MTDH: variants seen among roughly 807,000 people sequenced by gnomAD.
The protein encoded by MTDH is protein LYRIC.
Under a neutral mutation model 72.7 loss-of-function variants are expected in MTDH, and 34 were observed. The ratio of observed to expected loss-of-function variants is 0.47; its 90% confidence interval spans 0.36 to 0.62. The LOEUF (loss-of-function observed/expected upper bound fraction) is 0.62, where lower values mean the gene tolerates loss of function less well. Among genes scored for constraint, MTDH ranks in the 20% least tolerant of loss-of-function variants. The pLI, the probability that MTDH is intolerant of heterozygous loss-of-function variation, is 0.00. For missense variants in MTDH, 677 were observed against 699.4 expected, an observed-to-expected ratio of 0.97 and a Z score of 0.36; for synonymous variants, 266 against 268.9, an observed-to-expected ratio of 0.99 and a Z score of 0.10.
chr8:97,705,325 G>C (rs1411524342), intron 7 of MTDH, among the ~76,000 whole-genome samples: 2 of 151,672 alleles, frequency 1.3e-5, no homozygotes, highest in Admixed American at 1.3e-4. Flanking sequence ...AGCATTGCTG[G>C]GCGTGGTGCC....
At chr8:97,701,239 A>G (rs1814111533) in intron 7 of MTDH, among the ~76,000 whole-genome samples, 1 of 152,130 alleles carries the variant, frequency 6.6e-6, no homozygotes, top group South Asian at 2.1e-4. Context: ...GGTTGATTCC[A>G]GGACCCCCCT....
intron 2 of MTDH, among the ~76,000 whole-genome samples, chr8:97,662,769 GA>G (rs1315641511): frequency 1.4e-4 from 21 of 150,698 alleles, no homozygotes; most frequent in Non-Finnish European, 2.4e-4. Context: ...CAGGGCGAAA[GA>G]GCGAGACTCT....
At chr8:97,684,176 T>G (rs1466861020) in intron 2 of MTDH, among the ~76,000 whole-genome samples, 2 of 151,942 alleles carry the variant, frequency 1.3e-5, no homozygotes, top group Non-Finnish European at 2.9e-5. Flanking sequence ...AAATTGAGAT[T>G]GCTGTTAAGT....
chr8:97,686,774 CTG>C, intron 3 of MTDH, 22 bp downstream of exon 3: 1 of 1,535,596 alleles, frequency 6.5e-7, no homozygotes, highest in Non-Finnish European at 8.8e-7. Flanking sequence ...AGGGAAAGGA[CTG>C]TAGAAAATTT....
At chr8:97,691,615 G>A (rs117764681) in intron 6 of MTDH, among the ~76,000 whole-genome samples, 3,466 of 152,100 alleles carry the variant, frequency 0.023, 57 homozygotes, top group Middle Eastern at 0.044. Flanking sequence ...TTTTCCTCCG[G>A]ATTTTAATAT....
At chr8:97,654,718 C>T (rs993631962) in intron 1 of MTDH, among the ~76,000 whole-genome samples, 2 of 151,962 alleles carry the variant, frequency 1.3e-5, no homozygotes, top group African/African-American at 4.8e-5. Context: ...TGCTCTCTTG[C>T]CTTTTATCTT....
At chr8:97,683,451 A>G (rs563454113) in intron 2 of MTDH, among the ~76,000 whole-genome samples, 4 of 152,040 alleles carry the variant, frequency 2.6e-5, no homozygotes, top group East Asian at 3.9e-4. Flanking sequence ...GCTGGAATAC[A>G]GTGACATGAT....
At position 97,652,316 on chromosome 8, in the gene MTDH, C is replaced by T. The variant is rs914839849; in HGVS notation, c.381+7429C>T. On this transcript the variant is annotated intron_variant, in intron 1 of 11. Coordinates refer to ENST00000336273, the MANE Select transcript of MTDH (RefSeq NM_178812.4). ...TTCTTGAAACTCTTTCACAACCCAG[C>T]GCCTTTACATGAGCTATTATTAACA... 3.9e-5 allele frequency among the ~76,000 whole-genome samples: 6 copies of T among 152,164 alleles called. No homozygotes were observed. In the South Asian group the frequency reaches 6.2e-4, roughly 16 times the overall value.
Position 97,687,550 on chromosome 8 carries a change from T to TAG in MTDH, c.691_692insGA (p.Thr231ArgfsTer24). On this transcript the variant is annotated frameshift_variant, in exon 4 of 12. Transcript: ENST00000336273. LOFTEE classifies it high-confidence loss of function. ...CTGGGATAGAAAATACCATCACAGT[T>TAG]ACCACCGAGCAACTTACAACCGCAT... The TAG allele has an allele frequency of 6.2e-7, 1 of 1,613,088 alleles. No individual in the cohort carries two copies. The highest frequency in any genetic ancestry group is 8.5e-7 in the Non-Finnish European group (1 of 1,179,516).
intron 1 of MTDH, among the ~76,000 whole-genome samples, chr8:97,647,764 A>G (rs562616288): frequency 9.9e-5 from 15 of 152,254 alleles, no homozygotes; most frequent in African/African-American, 2.4e-4. Context: ...GCTACTTGCA[A>G]TGAGTCACTT....
At chr8:97,706,141 A>T (rs1814342293) in intron 7 of MTDH, among the ~76,000 whole-genome samples, 1 of 152,190 alleles carries the variant, frequency 6.6e-6, no homozygotes, top group Admixed American at 6.5e-5. Context: ...GACTTGGTGA[A>T]TTTGAAGAAA....
At chr8:97,715,941 G>A (rs188995714) in intron 9 of MTDH, among the ~76,000 whole-genome samples, 1 of 151,756 alleles carries the variant, frequency 6.6e-6, no homozygotes, top group East Asian at 1.9e-4. Flanking sequence ...TAATGAATAA[G>A]TATTCTAGGT....
At position 97,694,343 on chromosome 8, in the gene MTDH, G is replaced by A. The variant is rs181538712; in HGVS notation, c.1048+3155G>A. On this transcript the variant is annotated intron_variant, in intron 6 of 11. Coordinates refer to ENST00000336273, the MANE Select transcript of MTDH (RefSeq NM_178812.4). ...CTCCTGAGTAGCCTGGATTACAGGC[G>A]TGCGCCACCACGCCTGGCTAATTTT... 1.8e-3 allele frequency among the ~76,000 whole-genome samples: 266 copies of A among 151,688 alleles called. 1 individual carries two copies. The highest frequency in any genetic ancestry group is 2.7e-3 in the Non-Finnish European group (186 of 67,874).
chr8:97,645,784 G>C (rs1053403672), intron 1 of MTDH, among the ~76,000 whole-genome samples: 1 of 152,162 alleles, frequency 6.6e-6, no homozygotes, highest in Non-Finnish European at 1.5e-5. Flanking sequence ...ATCTTTCATA[G>C]TTTTATGTAT....
chr8:97,661,330 A>AAC (rs1812165526), intron 2 of MTDH, among the ~76,000 whole-genome samples, 157 bp downstream of exon 2: 1 of 152,244 alleles, frequency 6.6e-6, no homozygotes, highest in Admixed American at 6.5e-5. Context: ...GTAAAAGTTT[A>AAC]ACTGAGTTGT....
chr8:97,720,548 C>T (rs1010269030), intron 10 of MTDH, among the ~76,000 whole-genome samples: 5 of 151,708 alleles, frequency 3.3e-5, no homozygotes, highest in African/African-American at 1.2e-4. Context: ...TGCACTCCAG[C>T]CTGGGCGACA....
At chr8:97,722,775 T>C in intron 10 of MTDH, 104 bp from the exon 11 acceptor site, 1 of 1,131,216 alleles carries the variant, frequency 8.8e-7, no homozygotes, top group East Asian at 2.4e-5. Flanking sequence ...GGAAACCATA[T>C]TAGTATTGAA....
At chr8:97,654,244 T>C (rs1382258250) in intron 1 of MTDH, among the ~76,000 whole-genome samples, 2 of 152,246 alleles carry the variant, frequency 1.3e-5, no homozygotes, top group African/African-American at 4.8e-5. Flanking sequence ...AAATTGGGGT[T>C]GAACTGTGTC....
intron 10 of MTDH, among the ~76,000 whole-genome samples, chr8:97,720,646 C>CT (rs34801268): frequency 0.38 from 47,530 of 126,462 alleles, 9,947 homozygotes; most frequent in East Asian, 0.61. Flanking sequence ...GTCTATTTGA[C>CT]TTTTTTTTTT....
Sources: allele counts gnomAD v4.1 joint callset (sites outside exome capture counted in the v4.1 genomes callset), GRCh38; gene constraint gnomAD v4.1.1; transcripts MANE v1.5; gene names NCBI Gene and HGNC (gene_info 2026-07-23, HGNC 2026-07-21).